Variants in SDK1 observed in about 807,000 individuals in gnomAD.
SDK1 encodes the protein protein sidekick-1.
SDK1 carries 157 observed loss-of-function variants against 245.5 expected under a neutral mutation model. That is an observed-to-expected ratio of 0.64 (90% CI 0.56 to 0.73). SDK1 has a LOEUF of 0.73. Ranked by LOEUF, SDK1 falls within the 30% of genes least tolerant of loss-of-function variation. The pLI is 0.00. For missense variants in SDK1, 3,583 were observed against 3,002.3 expected (o/e 1.19, Z -4.52); for synonymous variants, 1,647 against 1,278.5 (o/e 1.29, Z -6.15).
At chr7:4,006,300 C>G (rs1053357779) in intron 14 of SDK1, among the ~76,000 whole-genome samples, 1 of 152,174 alleles carries the variant, frequency 6.6e-6, no homozygotes, top group African/African-American at 2.4e-5. Context: ...CTCTGTAGAA[C>G]GGAGCCTGGC....
intron 14 of SDK1, among the ~76,000 whole-genome samples, chr7:4,006,054 G>A (rs115148782): frequency 0.019 from 2,909 of 152,178 alleles, 77 homozygotes; most frequent in African/African-American, 0.059. Flanking sequence ...ATGACAAAGC[G>A]GGACCCTGTC....
chr7:4,079,572 T>G lies in SDK1; in HGVS notation c.3312T>G (p.Ile1104Met), dbSNP rs1286508924. Residue 1104 changes from isoleucine to methionine, a missense_variant, in exon 22 of 45, where the codon ATT (isoleucine) becomes ATG (methionine). By Grantham distance (10) the Ile-to-Met change is conservative. Transcript: ENST00000404826. Reference sequence around the variant, plus strand: ...GGAAAACGTCCATCTCCAGGTGGATTGTTGAGGGGCAGGTACGTGTGTCGT... The same window carrying G: ...GGAAAACGTCCATCTCCAGGTGGATGGTTGAGGGGCAGGTACGTGTGTCGT... Reference protein sequence around the residue: ...YDGKTSISRWIVEGQVGAIGD... With the variant: ...YDGKTSISRWMVEGQVGAIGD... 2.5e-6 allele frequency: 4 copies of G among 1,614,018 alleles called. No homozygotes were observed. The Admixed American group carries it at 5.0e-5, about 20-fold the overall frequency.
chr7:3,727,445 C>G (rs1367670487), intron 4 of SDK1, among the ~76,000 whole-genome samples: 7 of 152,128 alleles, frequency 4.6e-5, no homozygotes, highest in Admixed American at 3.9e-4. Flanking sequence ...TTTCTGTGCT[C>G]TCTATAAGGC....
At position 4,241,236 on chromosome 7, in the gene SDK1, C is replaced by T. The variant is rs78809380; in HGVS notation, c.6131-557C>T. On this transcript the variant is annotated intron_variant, in intron 42 of 44. Coordinates refer to ENST00000404826, the MANE Select transcript of SDK1 (RefSeq NM_152744.4). ...GGAAGCTCTGTACCCTTTCTTTAGCCGTCACACTCCCACACATTTATCTTT... is the reference window on the plus strand; with the variant it reads ...GGAAGCTCTGTACCCTTTCTTTAGCTGTCACACTCCCACACATTTATCTTT... Among the ~76,000 whole-genome samples, 433 of 152,188 alleles carry T rather than the reference C, an allele frequency of 2.8e-3. 12 individuals are homozygous for T. In the East Asian group the frequency reaches 0.047, roughly 16 times the overall value.
chr7:3,774,127 A>G (rs1780483624), intron 4 of SDK1, among the ~76,000 whole-genome samples: 1 of 150,992 alleles, frequency 6.6e-6, no homozygotes, highest in Admixed American at 6.6e-5. Context: ...AGGCAGGAGA[A>G]TGGCGTGAAC....
intron 1 of SDK1, among the ~76,000 whole-genome samples, chr7:3,492,588 A>G (rs905281772): frequency 6.6e-6 from 1 of 152,216 alleles, no homozygotes; most frequent in Non-Finnish European, 1.5e-5. Flanking sequence ...TGGCGGGGCA[A>G]CAAGCAGTTC....
At chr7:3,730,215 A>AG (rs1278850642) in intron 4 of SDK1, among the ~76,000 whole-genome samples, 1 of 152,158 alleles carries the variant, frequency 6.6e-6, no homozygotes, top group Admixed American at 6.5e-5. Flanking sequence ...TCTAGGAAAT[A>AG]GGGAAGGGCA....
At chr7:3,550,052 A>C (rs1430696055) in intron 1 of SDK1, among the ~76,000 whole-genome samples, 3 of 152,180 alleles carry the variant, frequency 2.0e-5, no homozygotes, top group Non-Finnish European at 2.9e-5. Flanking sequence ...TATTTGTAAA[A>C]TCAATGTGAA....
At chr7:3,967,502 C>A in intron 10 of SDK1, 68 bp downstream of exon 10, 1 of 923,572 alleles carries the variant, frequency 1.1e-6, no homozygotes, top group Non-Finnish European at 1.8e-6. Flanking sequence ...CCAGTGCTTG[C>A]TTCTTATTCA....
chr7:3,345,984 A>G (rs1323805168), intron 1 of SDK1, among the ~76,000 whole-genome samples: 2 of 152,198 alleles, frequency 1.3e-5, no homozygotes, highest in Admixed American at 6.5e-5. Flanking sequence ...TAATTAAAAC[A>G]GTTCTTTTAG....
chr7:3,465,059 CAA>C (rs1002361105), intron 1 of SDK1, among the ~76,000 whole-genome samples: 2 of 152,110 alleles, frequency 1.3e-5, no homozygotes, highest in Admixed American at 1.3e-4. Context: ...TTACAGATGT[CAA>C]GAGTCAGAAT....
intron 1 of SDK1, among the ~76,000 whole-genome samples, chr7:3,564,445 C>T (rs76758318): frequency 0.02 from 3,066 of 151,834 alleles, 115 homozygotes; most frequent in African/African-American, 0.069. Context: ...GCCGAGATTG[C>T]GCAACTACTT....
chr7:4,065,694 G>GTTGTTTTTTTTTT (rs1779841876), intron 19 of SDK1, among the ~76,000 whole-genome samples: 1 of 66,716 alleles, frequency 1.5e-5, no homozygotes, highest in African/African-American at 3.4e-5. Context: ...AGTGGTTGTT[G>GTTGTTTTTTTTTT]TTTTTTTTTT....
intron 35 of SDK1, among the ~76,000 whole-genome samples, chr7:4,188,517 T>C (rs1410252152): frequency 2.0e-5 from 3 of 152,172 alleles, no homozygotes; most frequent in African/African-American, 7.2e-5. Context: ...ATCATGTCTA[T>C]GGCAAATACT....
chr7:3,908,664 C>T (rs938604232), intron 5 of SDK1, among the ~76,000 whole-genome samples: 2 of 152,266 alleles, frequency 1.3e-5, no homozygotes, highest in Admixed American at 1.3e-4. Flanking sequence ...TGATAATTGT[C>T]TTTTCCTCCA....
At chr7:4,110,008 G>A (rs1783233954) in intron 22 of SDK1, among the ~76,000 whole-genome samples, 1 of 152,112 alleles carries the variant, frequency 6.6e-6, no homozygotes, top group Non-Finnish European at 1.5e-5. Context: ...AGCAGACCCG[G>A]AAAAGGCAAG....
intron 5 of SDK1, among the ~76,000 whole-genome samples, chr7:3,930,379 G>A (rs1409560535): frequency 2.0e-5 from 3 of 152,176 alleles, no homozygotes; most frequent in African/African-American, 4.8e-5. Context: ...CAGCCCTGCC[G>A]AGGCAGAATC....
chr7:4,061,769 TG>T (rs1281182946), intron 19 of SDK1, among the ~76,000 whole-genome samples: 10 of 152,008 alleles, frequency 6.6e-5, no homozygotes, highest in Admixed American at 5.9e-4. Flanking sequence ...TAAGAAAATG[TG>T]GCACATATAC....
intron 4 of SDK1, among the ~76,000 whole-genome samples, chr7:3,661,598 T>G (rs569127390): frequency 6.6e-6 from 1 of 152,356 alleles, no homozygotes; most frequent in East Asian, 1.9e-4. Flanking sequence ...ATCTACTGAT[T>G]AAAAATTTTA....
Sources: gnomAD v4.1 joint callset for allele counts (sites outside exome capture counted in the v4.1 genomes callset) on GRCh38, gnomAD v4.1.1 for gene constraint, MANE v1.5 for transcripts, NCBI Gene and HGNC (gene_info 2026-07-23, HGNC 2026-07-21) for gene names.